Variants in GPBP1L1 observed in about 807,000 individuals in gnomAD.
GPBP1L1 encodes GC-rich promoter binding protein 1 like 1, also known as vasculin-like protein 1.
GPBP1L1 carries 23 observed loss-of-function variants against 52.5 expected under a neutral mutation model. The observed-to-expected ratio is 0.44, with a 90% CI of 0.32 to 0.62. GPBP1L1 has a LOEUF of 0.62. GPBP1L1 is among the 20% of genes least tolerant of loss of function. The pLI, the probability that GPBP1L1 is intolerant of heterozygous loss-of-function variation, is 0.06. For synonymous variants in GPBP1L1, 243 were observed against 203.1 expected (o/e 1.20, Z -1.67); for missense variants, 596 against 579.3 (o/e 1.03, Z -0.30).
intron 2 of GPBP1L1, among the ~76,000 whole-genome samples, chr1:45,670,358 T>C (rs4512689): frequency 1.1e-4 from 17 of 152,386 alleles, no homozygotes; most frequent in African/African-American, 3.6e-4. Flanking sequence ...CCTATGATTA[T>C]ATGAGTTGCA....
At chr1:45,685,454 G>A (rs1645268640) in intron 2 of GPBP1L1, 122 bp downstream of exon 2, 1 of 152,116 alleles carries the variant, frequency 6.6e-6, no homozygotes, top group Non-Finnish European at 1.5e-5. Context: ...GCACGAAGTT[G>A]GCAGATAAAA....
rs1644481141 is a variant in GPBP1L1 at position 45,628,123 on chromosome 1, T to C, written c.*133A>G. 2.3e-6 allele frequency: 2 copies of C among 888,424 alleles called. No individual in the cohort carries two copies. The highest frequency in any genetic ancestry group is 3.2e-5 in the South Asian group (2 of 62,188). 55.0% of individuals were successfully genotyped at this position (888,424 alleles called of 1,614,324 possible). A position where few individuals can be genotyped will look rare whatever the true frequency, so the allele number is the denominator to read the frequency against. Reference sequence around the variant, plus strand: ...AGCAAAACAAGCCAATTGCTCTCTCTTTGGGATATGATTATTTCCCTTGTG... The same window carrying C: ...AGCAAAACAAGCCAATTGCTCTCTCCTTGGGATATGATTATTTCCCTTGTG... On this transcript the variant is annotated 3_prime_UTR_variant, in exon 13 of 13. Coordinates refer to ENST00000355105, the MANE Select transcript of GPBP1L1 (RefSeq NM_021639.5).
intron 2 of GPBP1L1, among the ~76,000 whole-genome samples, chr1:45,679,773 C>G (rs1645190020): frequency 2.0e-5 from 3 of 151,246 alleles, no homozygotes; most frequent in South Asian, 2.1e-4. Flanking sequence ...TAATTTTAGG[C>G]AAGGCACAGT....
chr1:45,653,000 T>C (rs904519646), intron 6 of GPBP1L1, among the ~76,000 whole-genome samples: 3 of 152,242 alleles, frequency 2.0e-5, no homozygotes, highest in Non-Finnish European at 4.4e-5. Context: ...ATTTGTTATC[T>C]AGAACATTCT....
chr1:45,655,455 C>T lies in GPBP1L1; in HGVS notation c.61-136G>A, dbSNP rs1371208848. ...AAACTCATATTGTAAGCATATGGAC[C>T]CTAAGGGTACCCACAGGTGCCTAAT... is the stretch of plus-strand genomic sequence containing the variant. On this transcript the variant is annotated intron_variant, in intron 4 of 12. Transcript: ENST00000355105. 3 of 908,308 alleles carry T rather than the reference C, an allele frequency of 3.3e-6. No homozygotes were observed. The Admixed American group carries it at 7.2e-5, about 22-fold the overall frequency. The allele number at this position is 908,308 out of a possible 1,614,324, so 56.3% of individuals were successfully genotyped here.
At chr1:45,645,569 T>C (rs75023141) in intron 6 of GPBP1L1, among the ~76,000 whole-genome samples, 22 of 152,332 alleles carry the variant, frequency 1.4e-4, no homozygotes, top group African/African-American at 5.1e-4. Context: ...AAAAAAGTTA[T>C]ACTATGTCCA....
intron 2 of GPBP1L1, among the ~76,000 whole-genome samples, chr1:45,666,441 C>T (rs113412496): frequency 6.6e-6 from 1 of 152,094 alleles, no homozygotes; most frequent in Non-Finnish European, 1.5e-5. Context: ...CCACCGCGCT[C>T]GGCCTCAAAG....
chr1:45,660,215 G>C lies in GPBP1L1; in HGVS notation c.-87C>G, dbSNP rs1644932686. On this transcript the variant is annotated 5_prime_UTR_variant, in exon 3 of 13. Transcript: ENST00000355105. The stretch of plus-strand genomic sequence containing the variant: ...GTGTAACCTCTGTGGTCCTGTTTCT[G>C]AACTCGAGTCGGCCAGCTGGATCTC... 1 of 985,326 alleles carries C rather than the reference G, an allele frequency of 1.0e-6. No individual in the cohort carries two copies. The allele number at this position is 985,326 out of a possible 1,614,324, so 61.0% of individuals were successfully genotyped here. A position where few individuals can be genotyped will look rare whatever the true frequency, so the allele number is the denominator to read the frequency against.
rs138264612 is a variant in GPBP1L1, at chr1:45,681,161, A to G, written c.-1098+4415T>C. Among the ~76,000 whole-genome samples, 3 of 152,346 alleles carry G rather than the reference A, an allele frequency of 2.0e-5. No homozygotes were observed. The East Asian group carries it at 5.8e-4, about 29-fold the overall frequency. ...TCTCAAACGAGAGTAAATAAACCAT[A>G]AAGTTATTCTATGTTGCCCAACAGA... On this transcript the variant is annotated intron_variant, in intron 2 of 12. Coordinates refer to ENST00000355105, the MANE Select transcript of GPBP1L1 (RefSeq NM_021639.5).
chr1:45,634,983 G>A (rs769069987), intron 8 of GPBP1L1: 3 of 152,162 alleles, frequency 2.0e-5, no homozygotes, highest in Non-Finnish European at 4.4e-5. Flanking sequence ...TTAGAACAGA[G>A]GACCTCCAGG....
rs995021283 is a variant in GPBP1L1 at position 45,660,540 on chromosome 1, G to A, written c.-412C>T. 3.0e-6 allele frequency: 3 copies of A among 984,850 alleles called. No individual in the cohort carries two copies. Among genetic ancestry groups the A allele is most frequent in the Non-Finnish European group, 3.6e-6 (3 of 829,592 alleles). 61.0% of individuals were successfully genotyped at this position (984,850 alleles called of 1,614,324 possible). A position where few individuals can be genotyped will look rare whatever the true frequency, so the allele number is the denominator to read the frequency against. ...TGGCACTATGATGTTGCTTAATTAG[G>A]TAAGACATGGATATTTGCACCGAGT... is the stretch of plus-strand genomic sequence containing the variant. On this transcript the variant is annotated 5_prime_UTR_variant, in exon 3 of 13. Transcript: ENST00000355105.
intron 2 of GPBP1L1, among the ~76,000 whole-genome samples, 164 bp from the exon 3 acceptor site, chr1:45,661,389 C>G (rs1644945508): frequency 6.6e-6 from 1 of 151,934 alleles, no homozygotes; most frequent in African/African-American, 2.4e-5. Flanking sequence ...ACCACCTATA[C>G]CAACAAGATG....
intron 2 of GPBP1L1, among the ~76,000 whole-genome samples, chr1:45,667,571 T>C (rs540461260): frequency 6.6e-6 from 1 of 152,374 alleles, no homozygotes; most frequent in African/African-American, 2.4e-5. Flanking sequence ...ACCAGTGCTC[T>C]TGGCTTCAAC....
intron 2 of GPBP1L1, among the ~76,000 whole-genome samples, chr1:45,666,674 C>T (rs1371297095): frequency 6.6e-6 from 1 of 152,104 alleles, no homozygotes; most frequent in African/African-American, 2.4e-5. Context: ...CACTGAGGCA[C>T]CATATGACCT....
chr1:45,629,394 A>G (rs1644498315), intron 12 of GPBP1L1, among the ~76,000 whole-genome samples, 182 bp downstream of exon 12: 1 of 150,138 alleles, frequency 6.7e-6, no homozygotes, highest in South Asian at 2.1e-4. Flanking sequence ...TGTATATAAC[A>G]CTGGGGATCC....
intron 2 of GPBP1L1, among the ~76,000 whole-genome samples, chr1:45,681,606 T>C (rs1645213037): frequency 6.6e-6 from 1 of 152,212 alleles, no homozygotes. Context: ...ATTGGTGTGT[T>C]AAAGGATGTT....
At position 45,628,366 on chromosome 1, in the gene GPBP1L1, G is replaced by A. The variant is rs576674137; in HGVS notation, c.1315C>T (p.Arg439Cys). 5.5e-5 allele frequency: 88 copies of A among 1,614,032 alleles called. No individual in the cohort carries two copies. The highest frequency in any genetic ancestry group is 1.6e-4 in the Middle Eastern group (1 of 6,062). Residue 439 changes from arginine to cysteine, a missense_variant, in exon 13 of 13, where the codon CGC becomes TGC. By Grantham distance (180) the Arg-to-Cys change is radical (BLOSUM62 -3). Coordinates refer to ENST00000355105, the MANE Select transcript of GPBP1L1 (RefSeq NM_021639.5). ...CAAGGGGAGAACAGACTGGAACTGCGGCTCTGCAAGAAGCCATTCTTTCCA... is the reference window on the plus strand; with the variant it reads ...CAAGGGGAGAACAGACTGGAACTGCAGCTCTGCAAGAAGCCATTCTTTCCA... The part of the protein sequence containing the change: ...GFGKNGFLQS[R>C]SSSLFSPWRS...
chr1:45,648,305 A>T (rs980516901), intron 6 of GPBP1L1, among the ~76,000 whole-genome samples: 1 of 152,126 alleles, frequency 6.6e-6, no homozygotes, highest in Non-Finnish European at 1.5e-5. Flanking sequence ...TCATTACTCC[A>T]ATCTTGCTAT....
chr1:45,657,872 T>C (rs997438309), intron 4 of GPBP1L1, among the ~76,000 whole-genome samples: 2 of 152,012 alleles, frequency 1.3e-5, no homozygotes, highest in African/African-American at 2.4e-5. Context: ...TAAAATAAAA[T>C]TGAAACAAAA....
Sources: allele counts gnomAD v4.1 joint callset (sites outside exome capture counted in the v4.1 genomes callset), GRCh38; gene constraint gnomAD v4.1.1; transcripts MANE v1.5; gene names NCBI Gene and HGNC (gene_info 2026-07-23, HGNC 2026-07-21).